MSRA: variants seen among roughly 807,000 people sequenced by gnomAD.
MSRA encodes mitochondrial peptide methionine sulfoxide reductase.
Under a neutral mutation model 31.3 loss-of-function variants are expected in MSRA, and 54 were observed. The ratio of observed to expected loss-of-function variants is 1.73; its 90% CI spans 1.39 to 2.17. MSRA has a LOEUF of 2.17. Ranked by LOEUF, MSRA falls within the 30% of genes most tolerant of loss-of-function variation. The pLI is 0.00. For missense variants in MSRA, 507 were observed against 300.9 expected (o/e 1.69, Z -5.07); for synonymous variants, 169 against 116.5 (o/e 1.45, Z -2.90).
At chr8:10,419,020 C>T (rs940630455) in intron 5 of MSRA, among the ~76,000 whole-genome samples, 13 of 152,108 alleles carry the variant, frequency 8.5e-5, no homozygotes, top group African/African-American at 3.1e-4. Flanking sequence ...GAGGTGAATA[C>T]ATACATACGG....
At chr8:10,294,584 C>T (rs556524443) in intron 3 of MSRA, among the ~76,000 whole-genome samples, 2 of 152,324 alleles carry the variant, frequency 1.3e-5, no homozygotes, top group East Asian at 3.9e-4. Context: ...CCTCTCCATG[C>T]TCCTTTGGTC....
chr8:10,343,231 G>C (rs1266852124), intron 5 of MSRA, among the ~76,000 whole-genome samples: 1 of 152,202 alleles, frequency 6.6e-6, no homozygotes, highest in Non-Finnish European at 1.5e-5. Flanking sequence ...GCAGGGGAAA[G>C]GGATTCCAGA....
chr8:10,413,200 A>G (rs1411458923), intron 5 of MSRA, among the ~76,000 whole-genome samples: 2 of 152,192 alleles, frequency 1.3e-5, no homozygotes, highest in African/African-American at 4.8e-5. Context: ...CGAGTGGAGA[A>G]CCGTGGGGTC....
At chr8:10,366,908 C>G (rs764889560) in intron 5 of MSRA, among the ~76,000 whole-genome samples, 1 of 152,010 alleles carries the variant, frequency 6.6e-6, no homozygotes, top group Non-Finnish European at 1.5e-5. Context: ...CTTGGGTTGA[C>G]CTGAGGTCTT....
At chr8:10,161,255 A>C (rs1804619861) in intron 1 of MSRA, among the ~76,000 whole-genome samples, 1 of 152,162 alleles carries the variant, frequency 6.6e-6, no homozygotes, top group African/African-American at 2.4e-5. Flanking sequence ...TATATAATTA[A>C]ATATCATCTG....
intron 1 of MSRA, among the ~76,000 whole-genome samples, chr8:10,190,250 C>T (rs1017091824): frequency 6.6e-6 from 1 of 152,148 alleles, no homozygotes; most frequent in South Asian, 2.1e-4. Context: ...CCCCAGAACT[C>T]AGTCTCTGCG....
intron 5 of MSRA, among the ~76,000 whole-genome samples, chr8:10,358,360 A>G (rs1804632013): frequency 6.6e-6 from 1 of 152,136 alleles, no homozygotes; most frequent in Admixed American, 6.5e-5. Context: ...GAAAACAGTT[A>G]AACATTTTTT....
chr8:10,108,156 G>A (rs11998467), intron 1 of MSRA, among the ~76,000 whole-genome samples: 7,411 of 152,110 alleles, frequency 0.049, 252 homozygotes, highest in South Asian at 0.11. Flanking sequence ...TTACACCCCC[G>A]TTCTCAGTGG....
intron 1 of MSRA, among the ~76,000 whole-genome samples, chr8:10,134,958 T>C (rs1444756664): frequency 6.6e-6 from 1 of 152,240 alleles, no homozygotes; most frequent in East Asian, 1.9e-4. Context: ...GAGCTGTTGC[T>C]AAGGGAACCA....
chr8:10,073,345 G>C (rs1797835842), intron 1 of MSRA, among the ~76,000 whole-genome samples: 2 of 152,066 alleles, frequency 1.3e-5, no homozygotes, highest in Non-Finnish European at 2.9e-5. Context: ...TCTACCACCT[G>C]TTTAAATAAA....
chr8:10,151,104 G>A (rs1281939406), intron 1 of MSRA, among the ~76,000 whole-genome samples: 3 of 151,666 alleles, frequency 2.0e-5, no homozygotes, highest in Non-Finnish European at 4.4e-5. Context: ...TTAGGGGAGG[G>A]AGGATCCATG....
At chr8:10,210,473 C>T (rs1809379858) in intron 2 of MSRA, among the ~76,000 whole-genome samples, 1 of 152,208 alleles carries the variant, frequency 6.6e-6, no homozygotes, top group African/African-American at 2.4e-5. Flanking sequence ...TGTATACTTG[C>T]ATGCCTTCCC....
At chr8:10,387,681 T>A (rs1316611850) in intron 5 of MSRA, among the ~76,000 whole-genome samples, 6 of 152,192 alleles carry the variant, frequency 3.9e-5, no homozygotes, top group Non-Finnish European at 8.8e-5. Context: ...AAGTAATGTC[T>A]CGGAGCTGCT....
chr8:10,093,054 T>G (rs1042371103), intron 1 of MSRA, among the ~76,000 whole-genome samples: 1 of 152,204 alleles, frequency 6.6e-6, no homozygotes, highest in Non-Finnish European at 1.5e-5. Flanking sequence ...ATAGTTTTAC[T>G]TTGAACCTTT....
At chr8:10,106,617 T>C (rs1799899860) in intron 1 of MSRA, among the ~76,000 whole-genome samples, 1 of 152,178 alleles carries the variant, frequency 6.6e-6, no homozygotes, top group Admixed American at 6.5e-5. Flanking sequence ...AGAAGTGAAG[T>C]GCCTGGGCTT....
chr8:10,125,473 C>T (rs377377956), intron 1 of MSRA, among the ~76,000 whole-genome samples: 1 of 152,198 alleles, frequency 6.6e-6, no homozygotes. Context: ...GCAGTGGTAC[C>T]AGGGCCAGAG....
intron 4 of MSRA, among the ~76,000 whole-genome samples, chr8:10,315,527 A>C (rs1260290624): frequency 6.6e-6 from 1 of 152,220 alleles, no homozygotes; most frequent in African/African-American, 2.4e-5. Context: ...TTGTACATTT[A>C]TGTCTTATGT....
At chr8:10,234,393 G>A (rs2129074877) in intron 2 of MSRA, among the ~76,000 whole-genome samples, 1 of 152,188 alleles carries the variant, frequency 6.6e-6, no homozygotes, top group South Asian at 2.1e-4. Context: ...CTTTAGACTT[G>A]GTTTGGAAAA....
At chr8:10,227,115 G>C (rs550416158) in intron 2 of MSRA, among the ~76,000 whole-genome samples, 13 of 152,342 alleles carry the variant, frequency 8.5e-5, no homozygotes, top group Admixed American at 6.5e-4. Flanking sequence ...GGCACATTCT[G>C]AGGAGAGCAG....
Sources: allele counts gnomAD v4.1 joint callset (sites outside exome capture counted in the v4.1 genomes callset), GRCh38; gene constraint gnomAD v4.1.1; transcripts MANE v1.5; gene names NCBI Gene and HGNC (gene_info 2026-07-23, HGNC 2026-07-21).